Variants in RIT2 observed in about 807,000 individuals in gnomAD.
RIT2 encodes GTP-binding protein Rit2.
In RIT2, 24 loss-of-function variants were observed where a neutral mutation model predicts 23.7. That is an observed-to-expected ratio of 1.01 (90% CI 0.73 to 1.43). RIT2 has a LOEUF of 1.43. Ranked by LOEUF, RIT2 falls within the 40% of genes most tolerant of loss-of-function variation. The pLI, the probability that RIT2 is intolerant of heterozygous loss-of-function variation, is 0.00. For synonymous variants in RIT2, 107 were observed against 91.1 expected, an observed-to-expected ratio of 1.17 and a Z score of -0.99; for missense variants, 236 against 266.9, an observed-to-expected ratio of 0.88 and a Z score of 0.81.
chr18:42,853,792 AT>A (rs1157543964), intron 4 of RIT2, among the ~76,000 whole-genome samples: 7 of 152,196 alleles, frequency 4.6e-5, no homozygotes, highest in Non-Finnish European at 1.5e-5. Flanking sequence ...CAAAAAGGCA[AT>A]TCAAATATTT....
chr18:42,924,789 C>T (rs1909140860), intron 3 of RIT2, among the ~76,000 whole-genome samples: 1 of 151,980 alleles, frequency 6.6e-6, no homozygotes, highest in South Asian at 2.1e-4. Flanking sequence ...ACAAAATGCC[C>T]TACTCAGAGT....
At chr18:42,920,744 A>C (rs1288592478) in intron 4 of RIT2, 1 of 1,595,888 alleles carries the variant, frequency 6.3e-7, no homozygotes, top group Non-Finnish European at 8.5e-7. Context: ...TTCCCTTCCA[A>C]ACTCTTTCAG....
At chr18:42,859,034 GTGGACATA>G (rs1407899760) in intron 4 of RIT2, among the ~76,000 whole-genome samples, 2 of 152,116 alleles carry the variant, frequency 1.3e-5, no homozygotes, top group African/African-American at 4.8e-5. Context: ...AAGTTTTTAG[GTGGACATA>G]TGGTTTTATT....
intron 3 of RIT2, among the ~76,000 whole-genome samples, chr18:42,962,775 A>T (rs926920293): frequency 1.3e-5 from 2 of 152,194 alleles, no homozygotes; most frequent in African/African-American, 4.8e-5. Context: ...TCTCTGAATG[A>T]GATGGTCATT....
chr18:43,027,696 G>A (rs1210172679), intron 2 of RIT2, among the ~76,000 whole-genome samples: 4 of 151,976 alleles, frequency 2.6e-5, no homozygotes, highest in Non-Finnish European at 5.9e-5. Flanking sequence ...AGTAGTCTAC[G>A]ACCTGGATGT....
intron 1 of RIT2, among the ~76,000 whole-genome samples, chr18:43,057,087 C>T (rs1161491940): frequency 6.6e-6 from 1 of 151,508 alleles, no homozygotes; most frequent in African/African-American, 2.4e-5. Context: ...ATGTAGGTTG[C>T]CAGTGGAGAC....
At chr18:42,848,089 G>C (rs912410186) in intron 4 of RIT2, among the ~76,000 whole-genome samples, 1 of 151,808 alleles carries the variant, frequency 6.6e-6, no homozygotes, top group Non-Finnish European at 1.5e-5. Flanking sequence ...TGTCTTCTGG[G>C]AGCTGTCTAG....
intron 4 of RIT2, among the ~76,000 whole-genome samples, chr18:42,891,966 T>C (rs1908190543): frequency 6.6e-6 from 1 of 152,094 alleles, no homozygotes; most frequent in Non-Finnish European, 1.5e-5. Context: ...CTGTTGATAA[T>C]AGGAGAGGCT....
intron 4 of RIT2, among the ~76,000 whole-genome samples, chr18:42,902,112 T>C (rs2144107661): frequency 6.6e-6 from 1 of 152,006 alleles, no homozygotes; most frequent in East Asian, 1.9e-4. Context: ...ATGTAATGAG[T>C]ACATTGTTAA....
At chr18:43,007,945 A>C (rs1277528593) in intron 2 of RIT2, among the ~76,000 whole-genome samples, 2 of 151,706 alleles carry the variant, frequency 1.3e-5, no homozygotes. Flanking sequence ...ACCATTTTGC[A>C]ATTCTTTATG....
intron 2 of RIT2, among the ~76,000 whole-genome samples, chr18:42,995,307 T>C (rs1276256936): frequency 6.6e-6 from 1 of 150,422 alleles, no homozygotes; most frequent in African/African-American, 2.4e-5. Context: ...AGCTCGAAGA[T>C]TTGCCCCCAC....
At chr18:42,804,903 G>T in intron 4 of RIT2, among the ~76,000 whole-genome samples, 1 of 152,214 alleles carries the variant, frequency 6.6e-6, no homozygotes. Context: ...GCAGGGCAGT[G>T]TGAGGCCATT....
chr18:42,962,183 T>C (rs2144187651), intron 3 of RIT2, among the ~76,000 whole-genome samples: 1 of 152,336 alleles, frequency 6.6e-6, no homozygotes, highest in African/African-American at 2.4e-5. Flanking sequence ...TTGGATTTCC[T>C]GCGATAGCAA....
chr18:42,837,153 CTTTTTTTTTTTTTTTTT>C (rs570701535), intron 4 of RIT2, among the ~76,000 whole-genome samples: 2 of 51,704 alleles, frequency 3.9e-5, no homozygotes, highest in African/African-American at 6.5e-5. Context: ...TTTTCTTTTT[CTTTTTTTTTTTTTTTTT>C]TTTTTTTTTT....
At chr18:42,867,459 CA>C (rs1907502622) in intron 4 of RIT2, among the ~76,000 whole-genome samples, 1 of 152,004 alleles carries the variant, frequency 6.6e-6, no homozygotes, top group Non-Finnish European at 1.5e-5. Flanking sequence ...ACTAGTCTAA[CA>C]GGCAATCAAT....
intron 4 of RIT2, among the ~76,000 whole-genome samples, chr18:42,754,017 CAG>C (rs1215852847): frequency 6.6e-6 from 1 of 152,202 alleles, no homozygotes; most frequent in African/African-American, 2.4e-5. Flanking sequence ...CTTGACAGAT[CAG>C]AGTGTGCTTA....
At chr18:42,822,690 GT>G (rs1568005228) in intron 4 of RIT2, among the ~76,000 whole-genome samples, 1 of 151,930 alleles carries the variant, frequency 6.6e-6, no homozygotes, top group African/African-American at 2.4e-5. Context: ...TCTGCTAAAG[GT>G]TTATCAATAA....
intron 2 of RIT2, among the ~76,000 whole-genome samples, chr18:43,016,971 A>G (rs778388185): frequency 3.3e-5 from 5 of 151,992 alleles, no homozygotes; most frequent in Non-Finnish European, 5.9e-5. Context: ...TCTTCTTTGA[A>G]GAGGCCAAAA....
chr18:43,024,710 C>CA (rs757238526), intron 2 of RIT2, among the ~76,000 whole-genome samples: 6 of 80,776 alleles, frequency 7.4e-5, no homozygotes, highest in Non-Finnish European at 1.5e-4. Context: ...CTCAAACAAA[C>CA]AACAACAACA....
Sources: gnomAD v4.1 joint callset for allele counts (sites outside exome capture counted in the v4.1 genomes callset) on GRCh38, gnomAD v4.1.1 for gene constraint, MANE v1.5 for transcripts, NCBI Gene and HGNC (gene_info 2026-07-23, HGNC 2026-07-21) for gene names.